The following RANBP2 variants were observed in gnomAD, a reference collection of about 807,000 sequenced individuals.
RANBP2 encodes the protein RAN binding protein 2.
A neutral mutation model predicts 303.6 loss-of-function variants in RANBP2; 57 were observed. The ratio of observed to expected loss-of-function variants is 0.19; its 90% CI spans 0.15 to 0.23. The LOEUF is 0.23. RANBP2 is among the 10% of genes least tolerant of loss of function. The pLI, the probability that RANBP2 is intolerant of heterozygous loss-of-function variation, is 1.00. For missense variants in RANBP2, 3,138 were observed against 3,780.8 expected, an observed-to-expected ratio of 0.83 and a Z score of 4.46; for synonymous variants, 1,167 against 1,301.5, an observed-to-expected ratio of 0.90 and a Z score of 2.23.
At chr2:109,355,245 T>C in the RANBP2 span, among the ~76,000 whole-genome samples, 1 of 152,186 alleles carries the variant, frequency 6.6e-6, no homozygotes, top group Non-Finnish European at 1.5e-5. Flanking sequence ...GAAAGAGAAA[T>C]TATGTTGTGG....
chr2:108,873,510 G>C, the RANBP2 span: 2 of 1,612,260 alleles, frequency 1.2e-6, no homozygotes. Flanking sequence ...TACTTGCTCT[G>C]TGCTGCTTCG....
chr2:109,741,534 C>T, the RANBP2 span, among the ~76,000 whole-genome samples: 116 of 132,748 alleles, frequency 8.7e-4, 1 homozygote, highest in South Asian at 0.022. Context: ...GCCTGGCCAA[C>T]GTGGCAAAAC....
At chr2:108,990,557 CT>C in the RANBP2 span, among the ~76,000 whole-genome samples, 1 of 152,022 alleles carries the variant, frequency 6.6e-6, no homozygotes, top group African/African-American at 2.4e-5. Context: ...GATTGTGCCA[CT>C]GCACTCCAGC....
chr2:108,839,614 G>A, the RANBP2 span, among the ~76,000 whole-genome samples: 2 of 151,988 alleles, frequency 1.3e-5, no homozygotes, highest in African/African-American at 2.4e-5. Context: ...CTTTTTGGCT[G>A]AGTATTTAAA....
chr2:109,400,816 C>T, the RANBP2 span, among the ~76,000 whole-genome samples: 1 of 152,178 alleles, frequency 6.6e-6, no homozygotes, highest in Non-Finnish European at 1.5e-5. Context: ...CCATGGTTAC[C>T]CCACTGCCTG....
the RANBP2 span, among the ~76,000 whole-genome samples, chr2:108,903,342 C>T: frequency 6.6e-6 from 1 of 151,850 alleles, no homozygotes; most frequent in Non-Finnish European, 1.5e-5. Context: ...TTTGTTGCAA[C>T]TCATTAAAAT....
chr2:108,815,821 A>C, the RANBP2 span: 1 of 829,018 alleles, frequency 1.2e-6, no homozygotes, highest in Non-Finnish European at 1.9e-6. Context: ...CTCTGTCCTT[A>C]ACACATTTTA....
chr2:109,401,511 A>G, the RANBP2 span, among the ~76,000 whole-genome samples: 2 of 152,162 alleles, frequency 1.3e-5, no homozygotes, highest in African/African-American at 4.8e-5. Flanking sequence ...GCCAGTGCCT[A>G]TCCTGACAAG....
the RANBP2 span, among the ~76,000 whole-genome samples, chr2:109,584,569 T>A: frequency 1.3e-5 from 2 of 152,050 alleles, no homozygotes; most frequent in Admixed American, 6.6e-5. Context: ...CCTTTCATAG[T>A]TTAAATTTGA....
the RANBP2 span, among the ~76,000 whole-genome samples, chr2:108,904,463 C>T: frequency 2.0e-5 from 3 of 152,224 alleles, no homozygotes; most frequent in Non-Finnish European, 2.9e-5. Context: ...ACTCCTGGGT[C>T]TTTATCCCAG....
At chr2:108,997,155 A>G in the RANBP2 span, among the ~76,000 whole-genome samples, 1 of 152,296 alleles carries the variant, frequency 6.6e-6, no homozygotes, top group African/African-American at 2.4e-5. Context: ...AAGATGTCCT[A>G]GTATGGCTGG....
the RANBP2 span, among the ~76,000 whole-genome samples, chr2:108,889,015 TTTCA>T: frequency 2.0e-4 from 31 of 152,226 alleles, no homozygotes; most frequent in South Asian, 1.7e-3. Context: ...TTTTTATTTC[TTTCA>T]GTTTTTTTAA....
chr2:109,051,765 T>C, the RANBP2 span, among the ~76,000 whole-genome samples: 1 of 151,988 alleles, frequency 6.6e-6, no homozygotes, highest in African/African-American at 2.4e-5. Flanking sequence ...TTTTTTTTTT[T>C]TGAGACAGAG....
the RANBP2 span, among the ~76,000 whole-genome samples, chr2:108,953,767 G>A: frequency 1.1e-4 from 16 of 152,290 alleles, no homozygotes; most frequent in Admixed American, 9.8e-4. Context: ...CAGAAAACTG[G>A]CAGGTGGAGA....
the RANBP2 span, among the ~76,000 whole-genome samples, chr2:109,367,450 T>C: frequency 2.6e-5 from 4 of 152,024 alleles, no homozygotes; most frequent in Admixed American, 1.3e-4. Flanking sequence ...CCTGGCTAGT[T>C]GTTGTATTTT....
chr2:109,195,785 G>A, the RANBP2 span, among the ~76,000 whole-genome samples: 14 of 152,274 alleles, frequency 9.2e-5, no homozygotes, highest in African/African-American at 3.4e-4. Flanking sequence ...GGGTAATTGG[G>A]CTTCTCAGAA....
chr2:109,617,747 G>A, the RANBP2 span: 1 of 166,618 alleles, frequency 6.0e-6, no homozygotes. Context: ...GGCCAGGCAT[G>A]GTGGCTCATG....
At chr2:108,850,955 C>T in the RANBP2 span, among the ~76,000 whole-genome samples, 1 of 152,178 alleles carries the variant, frequency 6.6e-6, no homozygotes, top group East Asian at 1.9e-4. Flanking sequence ...AGTGTCAGAT[C>T]CCACAAGTTG....
intron 20 of RANBP2, among the ~76,000 whole-genome samples, chr2:108,771,226 A>G (rs1677475371): frequency 6.6e-6 from 1 of 150,960 alleles, no homozygotes; most frequent in African/African-American, 2.4e-5. Context: ...ATTCTTGGCA[A>G]TTGTTAACTT....
Sources: allele counts gnomAD v4.1 joint callset (sites outside exome capture counted in the v4.1 genomes callset), GRCh38; gene constraint gnomAD v4.1.1; transcripts MANE v1.5; gene names NCBI Gene and HGNC (gene_info 2026-07-23, HGNC 2026-07-21).